ZNF362: variants seen among roughly 807,000 people sequenced by gnomAD.
ZNF362 encodes the protein zinc finger protein 362.
Under a neutral mutation model 42.9 loss-of-function variants are expected in ZNF362, and 11 were observed. The observed-to-expected ratio is 0.26, with a 90% confidence interval of 0.16 to 0.42. The LOEUF is 0.42. Among genes scored for constraint, ZNF362 ranks in the 20% least tolerant of loss-of-function variants. ZNF362 has a pLI of 1.00. For synonymous variants in ZNF362, 255 were observed against 257.3 expected (o/e 0.99, Z 0.09); for missense variants, 362 against 576.2 (o/e 0.63, Z 3.81).
chr1:33,239,520 TCA>T, the ZNF362 span, among the ~76,000 whole-genome samples: 17 of 152,150 alleles, frequency 1.1e-4, no homozygotes. Context: ...TTTAATTGAC[TCA>T]CAGTTCTGCA....
At chr1:33,201,647 A>G in the ZNF362 span, among the ~76,000 whole-genome samples, 6 of 152,322 alleles carry the variant, frequency 3.9e-5, no homozygotes, top group African/African-American at 1.4e-4. Context: ...TAGTACATAG[A>G]AGGAAAGTTA....
chr1:33,165,387 G>A, the ZNF362 span: 1 of 1,117,334 alleles, frequency 8.9e-7, no homozygotes, highest in South Asian at 1.5e-5. This position sits in a 1 kb window ranked among gnomAD's most constrained non-coding sequence, Gnocchi z 4.0. Flanking sequence ...CCGAGGCCCC[G>A]CCCCTCTTCC....
At chr1:33,298,862 G>A in intron 8 of ZNF362, 68 bp from the exon 9 acceptor site, 1 of 1,360,366 alleles carries the variant, frequency 7.4e-7, no homozygotes, top group Non-Finnish European at 1.0e-6. Flanking sequence ...GGCTGCTGGT[G>A]GGAACTGCAG....
the ZNF362 span, among the ~76,000 whole-genome samples, chr1:33,201,968 A>T: frequency 0.024 from 3,674 of 152,340 alleles, 116 homozygotes; most frequent in African/African-American, 0.083. Flanking sequence ...CAAAAGGATA[A>T]TAAGGGAGTA....
intron 2 of ZNF362, among the ~76,000 whole-genome samples, chr1:33,273,783 G>T (rs576264947): frequency 1.3e-5 from 2 of 152,342 alleles, no homozygotes; most frequent in South Asian, 4.1e-4. Context: ...ATCCTCCTGA[G>T]GTTCTGATGA....
At chr1:33,176,739 A>G in the ZNF362 span, among the ~76,000 whole-genome samples, 1 of 152,214 alleles carries the variant, frequency 6.6e-6, no homozygotes, top group Non-Finnish European at 1.5e-5. Flanking sequence ...CTGGCTTCCA[A>G]TCCTGGCCCT....
At chr1:33,241,077 A>G in the ZNF362 span, among the ~76,000 whole-genome samples, 1 of 151,598 alleles carries the variant, frequency 6.6e-6, no homozygotes, top group South Asian at 2.1e-4. Flanking sequence ...TCTGCTGTAT[A>G]TGACAATTCC....
chr1:33,291,279 A>G (rs1646076390), intron 6 of ZNF362, among the ~76,000 whole-genome samples: 1 of 152,096 alleles, frequency 6.6e-6, no homozygotes, highest in African/African-American at 2.4e-5. Context: ...AGCTTTCTAC[A>G]TATGGCTAGC....
At chr1:33,250,435 A>G in the ZNF362 span, among the ~76,000 whole-genome samples, 20 of 152,226 alleles carry the variant, frequency 1.3e-4, no homozygotes, top group Admixed American at 1.3e-3. Context: ...TGTCCTTTGT[A>G]TGGACATAGA....
the ZNF362 span, among the ~76,000 whole-genome samples, chr1:33,189,673 G>GTGTA: frequency 2.2e-4 from 2 of 9,002 alleles, no homozygotes; most frequent in Non-Finnish European, 5.1e-4. Flanking sequence ...ATATATATAT[G>GTGTA]TATATATATA....
chr1:33,220,958 G>A, the ZNF362 span, among the ~76,000 whole-genome samples: 1 of 152,192 alleles, frequency 6.6e-6, no homozygotes, highest in South Asian at 2.1e-4. Context: ...GAATGTGGAA[G>A]GGTGTGGCCC....
At chr1:33,250,280 G>T in the ZNF362 span, among the ~76,000 whole-genome samples, 1 of 152,116 alleles carries the variant, frequency 6.6e-6, no homozygotes, top group Non-Finnish European at 1.5e-5. Context: ...CAAGACTACT[G>T]TAGGGGGTCC....
the ZNF362 span, among the ~76,000 whole-genome samples, chr1:33,236,550 A>AAATATAT: frequency 0.027 from 160 of 5,986 alleles, 14 homozygotes; most frequent in Admixed American, 0.046. Flanking sequence ...AAAAAAAAAA[A>AAATATAT]ATATATATAT....
At chr1:33,233,121 C>T in the ZNF362 span, among the ~76,000 whole-genome samples, 1 of 152,212 alleles carries the variant, frequency 6.6e-6, no homozygotes, top group Non-Finnish European at 1.5e-5. Flanking sequence ...TCTTCAGGCT[C>T]TCTGCTCCTT....
chr1:33,169,424 G>A, the ZNF362 span, among the ~76,000 whole-genome samples: 6,887 of 152,168 alleles, frequency 0.045, 254 homozygotes, highest in African/African-American at 0.1. Flanking sequence ...TCTTTTCTGG[G>A]CTGTGGCCCC....
chr1:33,268,006 A>C (rs1645876328), intron 1 of ZNF362, among the ~76,000 whole-genome samples: 1 of 152,162 alleles, frequency 6.6e-6, no homozygotes, highest in South Asian at 2.1e-4. Flanking sequence ...CCATACCCTC[A>C]CCAGTATTGG....
the ZNF362 span, among the ~76,000 whole-genome samples, chr1:33,177,546 AT>A: frequency 6.6e-6 from 1 of 152,216 alleles, no homozygotes; most frequent in African/African-American, 2.4e-5. This position sits in a 1 kb window ranked among gnomAD's most constrained non-coding sequence, Gnocchi z 4.1. Context: ...AGGAGGTGAT[AT>A]TTGACCTGAA....
chr1:33,196,973 A>C, the ZNF362 span, among the ~76,000 whole-genome samples: 2 of 152,134 alleles, frequency 1.3e-5, no homozygotes, highest in African/African-American at 4.8e-5. Context: ...AGGAAGACCC[A>C]CCCTCAATGT....
the ZNF362 span, among the ~76,000 whole-genome samples, chr1:33,154,417 G>A: frequency 6.6e-6 from 1 of 152,190 alleles, no homozygotes; most frequent in Non-Finnish European, 1.5e-5. Context: ...TGTAGGATCT[G>A]GGGCCTGCCA....
Sources: allele counts gnomAD v4.1 joint callset (sites outside exome capture counted in the v4.1 genomes callset), GRCh38; gene constraint gnomAD v4.1.1; non-coding constraint Gnocchi (gnomAD v3.1); transcripts MANE v1.5; gene names NCBI Gene and HGNC (gene_info 2026-07-23, HGNC 2026-07-21).